The following SCN8A variants were observed in gnomAD, a reference collection of about 807,000 sequenced individuals.
SCN8A encodes sodium channel protein type 8 subunit alpha.
Under a neutral mutation model 184.1 loss-of-function variants are expected in SCN8A, and 30 were observed. The ratio of observed to expected loss-of-function variants is 0.16; its 90% confidence interval spans 0.12 to 0.22. The LOEUF (loss-of-function observed/expected upper bound fraction) is 0.22, where lower values mean the gene tolerates loss of function less well. Ranked by LOEUF, SCN8A falls within the 10% of genes least tolerant of loss-of-function variation. The pLI is 1.00. For synonymous variants in SCN8A, 852 were observed against 907.0 expected, an observed-to-expected ratio of 0.94 and a Z score of 1.09; for missense variants, 1,057 against 2,498.9, an observed-to-expected ratio of 0.42 and a Z score of 12.30.
intron 1 of SCN8A, among the ~76,000 whole-genome samples, chr12:51,649,301 C>T (rs1055170771): frequency 4.6e-5 from 7 of 152,170 alleles, no homozygotes; most frequent in African/African-American, 9.7e-5. Context: ...TGCAATTGGT[C>T]GGTAGATCTA....
At chr12:51,644,025 T>A (rs1198173013) in intron 1 of SCN8A, among the ~76,000 whole-genome samples, 5 of 152,262 alleles carry the variant, frequency 3.3e-5, no homozygotes, top group Non-Finnish European at 7.3e-5. Context: ...TTCATTACTT[T>A]ATTCAACACA....
intron 22 of SCN8A, 140 bp downstream of exon 22, chr12:51,786,966 A>G (rs996075036): frequency 7.2e-6 from 6 of 837,688 alleles, no homozygotes; most frequent in Non-Finnish European, 1.1e-5. Flanking sequence ...ATTGTTCCCC[A>G]AACCAGTTTC....
intron 1 of SCN8A, among the ~76,000 whole-genome samples, chr12:51,624,367 G>C (rs1346650474): frequency 6.6e-6 from 1 of 152,198 alleles, no homozygotes; most frequent in East Asian, 1.9e-4. Flanking sequence ...GGCCAGTGAT[G>C]ATGAGCATTT....
intron 13 of SCN8A, among the ~76,000 whole-genome samples, chr12:51,750,274 A>G (rs978419116): frequency 2.6e-5 from 4 of 152,202 alleles, no homozygotes; most frequent in African/African-American, 9.7e-5. Context: ...ATTGGGGGTC[A>G]TGTGAGATCT....
rs373820887 is a variant in SCN8A at position 51,721,640 on chromosome 12, C to G, written c.1730C>G (p.Pro577Arg). The G allele has an allele frequency of 1.9e-6, 3 of 1,611,770 alleles. No individual in the cohort carries two copies. Among genetic ancestry groups the G allele is most frequent in the South Asian group, 2.2e-5 (2 of 90,518 alleles). Residue 577 changes from proline to arginine, a missense_variant, in exon 12 of 27, where the codon CCG becomes CGG. Coordinates refer to ENST00000627620, the MANE Select transcript of SCN8A (RefSeq NM_001330260.2). ...SFRGPGRFRD[P>R]GSENEFADDE... is the part of the protein sequence containing the mutation. The stretch of plus-strand genomic sequence containing the variant: ...AGGGGACCTGGGCGGTTCCGAGACC[C>G]GGGCTCCGAGAATGAGTTCGCGGAT...
rs1286665655 is a variant in SCN8A, at chr12:51,812,539, T to C, written c.*5110T>C. Reference sequence around the variant, plus strand: ...AATGGTACCATAAATGCTGCTATTCTGAGAGCCATTTTAAACTGCACTGCT... The same window carrying C: ...AATGGTACCATAAATGCTGCTATTCCGAGAGCCATTTTAAACTGCACTGCT... On this transcript the variant is annotated 3_prime_UTR_variant, in exon 27 of 27. Transcript: ENST00000627620. The C allele has an allele frequency of 6.6e-6, 1 of 152,260 alleles. No homozygotes were observed. The highest frequency in any genetic ancestry group is 2.4e-5 in the African/African-American group (1 of 41,454). 9.4% of individuals were successfully genotyped at this position (152,260 alleles called of 1,614,324 possible). A position where few individuals can be genotyped will look rare whatever the true frequency, so the allele number is the denominator to read the frequency against.
chr12:51,636,394 T>C (rs183390272), intron 1 of SCN8A, among the ~76,000 whole-genome samples: 117 of 152,326 alleles, frequency 7.7e-4, no homozygotes, highest in African/African-American at 2.8e-3. Context: ...CCCATCACCA[T>C]CTTCCACCTA....
intron 11 of SCN8A, among the ~76,000 whole-genome samples, chr12:51,715,522 A>T (rs1941949972): frequency 6.6e-6 from 1 of 151,944 alleles, no homozygotes. Flanking sequence ...TAATCCTGGC[A>T]CTTTGGGAGG....
At chr12:51,732,246 A>G (rs763361377) in intron 12 of SCN8A, among the ~76,000 whole-genome samples, 6 of 152,168 alleles carry the variant, frequency 3.9e-5, no homozygotes, top group Non-Finnish European at 8.8e-5. Context: ...TCATTTTTGT[A>G]CATGGTGAAA....
chr12:51,700,670 G>A (rs997472907), intron 7 of SCN8A, among the ~76,000 whole-genome samples: 29 of 152,170 alleles, frequency 1.9e-4, no homozygotes, highest in African/African-American at 6.5e-4. Flanking sequence ...CCATAAGAAA[G>A]TGTTGCAAAG....
At chr12:51,768,248 TAAAG>T (rs1332804563) in intron 16 of SCN8A, 1 of 152,164 alleles carries the variant, frequency 6.6e-6, no homozygotes, top group Non-Finnish European at 1.5e-5. Context: ...CAAAAATAAA[TAAAG>T]CTTGTATCTG....
rs149003511 is a variant in SCN8A at position 51,808,124 on chromosome 12, A to G, written c.*695A>G. 1.2e-4 allele frequency: 20 copies of G among 162,298 alleles called. 1 individual carries two copies. In the East Asian group the frequency reaches 3.2e-3, roughly 26 times the overall value. 10.1% of individuals were successfully genotyped at this position (162,298 alleles called of 1,614,324 possible). Reference sequence around the variant, plus strand: ...CAGAAGTCATGCATGAGATCCATACACCACAGGACACTACTAATCTAGTCC... The same window carrying G: ...CAGAAGTCATGCATGAGATCCATACGCCACAGGACACTACTAATCTAGTCC... On this transcript the variant is annotated 3_prime_UTR_variant, in exon 27 of 27. Transcript: ENST00000627620.
chr12:51,796,790 C>A (rs901982311), intron 26 of SCN8A, among the ~76,000 whole-genome samples: 11 of 152,140 alleles, frequency 7.2e-5, no homozygotes, highest in African/African-American at 2.7e-4. Flanking sequence ...TGGTGAAAGT[C>A]CAAGAGTCTA....
chr12:51,669,380 A>G (rs1411870997), intron 2 of SCN8A, among the ~76,000 whole-genome samples: 7 of 152,208 alleles, frequency 4.6e-5, no homozygotes, highest in South Asian at 2.1e-4. Flanking sequence ...CCATATCTGT[A>G]TCTTTCTAAT....
At chr12:51,699,514 G>A in intron 6 of SCN8A, 56 bp from the exon 7 acceptor site, 1 of 1,390,010 alleles carries the variant, frequency 7.2e-7, no homozygotes, top group Non-Finnish European at 1.0e-6. Flanking sequence ...AGGGAGGCTT[G>A]GGGAGGTGGG....
intron 1 of SCN8A, among the ~76,000 whole-genome samples, chr12:51,608,021 C>CTTTTTTTTTTTTTTTTT (rs749172465): frequency 1.5e-5 from 2 of 133,478 alleles, no homozygotes; most frequent in Non-Finnish European, 3.2e-5. Context: ...TTTCTTTTTC[C>CTTTTTTTTTTTTTTTTT]TTTTTTTTTT....
chr12:51,690,579 TG>T (rs1287302378), intron 6 of SCN8A, among the ~76,000 whole-genome samples: 1 of 152,172 alleles, frequency 6.6e-6, no homozygotes, highest in Admixed American at 6.5e-5. Context: ...CCAGGCTGGC[TG>T]CCAACTCCTG....
At chr12:51,613,206 T>G (rs1348926483) in intron 1 of SCN8A, among the ~76,000 whole-genome samples, 1 of 152,220 alleles carries the variant, frequency 6.6e-6, no homozygotes. Flanking sequence ...AAAAAGATTT[T>G]GTAGAATTCT....
intron 2 of SCN8A, among the ~76,000 whole-genome samples, chr12:51,675,593 C>G (rs533393690): frequency 6.6e-6 from 1 of 152,246 alleles, no homozygotes; most frequent in Non-Finnish European, 1.5e-5. Flanking sequence ...AGATCTAGTC[C>G]CTGGCAACTC....
Sources: gnomAD v4.1 joint callset for allele counts (sites outside exome capture counted in the v4.1 genomes callset) on GRCh38, gnomAD v4.1.1 for gene constraint, MANE v1.5 for transcripts, NCBI Gene and HGNC (gene_info 2026-07-23, HGNC 2026-07-21) for gene names.